Variants in SORBS2 observed in about 807,000 individuals in gnomAD.
SORBS2 encodes the protein sorbin and SH3 domain containing 2.
A neutral mutation model predicts 97.7 loss-of-function variants in SORBS2; 46 were observed. The ratio of observed to expected loss-of-function variants is 0.47; its 90% CI spans 0.37 to 0.60. The LOEUF is 0.60. Ranked by LOEUF, SORBS2 falls within the 20% of genes least tolerant of loss-of-function variation. The pLI is 0.00. For synonymous variants in SORBS2, 476 were observed against 473.4 expected (o/e 1.01, Z -0.07); for missense variants, 1,316 against 1,282.3 (o/e 1.03, Z -0.40).
At chr4:185,646,870 T>A in intron 3 of SORBS2, 88 bp from the exon 13 acceptor site, 3 of 766,232 alleles carry the variant, frequency 3.9e-6, no homozygotes, top group Non-Finnish European at 6.7e-6. Context: ...TCAACATTAC[T>A]TTTAGCATAG....
At chr4:185,721,407 C>T (rs183784465) in intron 2 of SORBS2, among the ~76,000 whole-genome samples, 3 of 152,108 alleles carry the variant, frequency 2.0e-5, no homozygotes, top group Admixed American at 6.5e-5. Context: ...CAGATGTGAA[C>T]GTTTGATCTC....
At chr4:185,656,832 A>C in exon 1 of SORBS2, 1 of 1,380,194 alleles carries the variant, frequency 7.2e-7, no homozygotes, top group Non-Finnish European at 9.3e-7. Context: ...AAACACTTTC[A>C]CTTATCATCC....
chr4:185,705,990 T>A (rs1384039356), intron 2 of SORBS2, among the ~76,000 whole-genome samples: 1 of 152,226 alleles, frequency 6.6e-6, no homozygotes, highest in Non-Finnish European at 1.5e-5. Flanking sequence ...CACTCATTCC[T>A]GAAAATCCCT....
intron 1 of SORBS2, among the ~76,000 whole-genome samples, chr4:185,835,555 A>T (rs1457971964): frequency 1.3e-5 from 2 of 152,164 alleles, no homozygotes; most frequent in East Asian, 3.8e-4. Flanking sequence ...GTAAGTAAAA[A>T]TTCCAGTGAC....
At chr4:185,827,231 TCATCAC>T (rs1561210989) in intron 1 of SORBS2, among the ~76,000 whole-genome samples, 10 of 67,422 alleles carry the variant, frequency 1.5e-4, no homozygotes, top group Non-Finnish European at 9.7e-5. Flanking sequence ...ACCATCATCA[TCATCAC>T]CATCACCACC....
At chr4:185,685,683 C>T (rs1365035450) in intron 2 of SORBS2, among the ~76,000 whole-genome samples, 2 of 152,136 alleles carry the variant, frequency 1.3e-5, no homozygotes, top group South Asian at 2.1e-4. Context: ...AGGCACACAC[C>T]GGCTAACGTT....
At chr4:185,780,075 G>A (rs2153633786) in intron 1 of SORBS2, among the ~76,000 whole-genome samples, 1 of 134,948 alleles carries the variant, frequency 7.4e-6, no homozygotes, top group South Asian at 2.5e-4. Context: ...GAGTGCAATA[G>A]CACAATCTCG....
chr4:185,798,671 CT>C (rs2099116960), intron 1 of SORBS2, among the ~76,000 whole-genome samples: 1 of 152,110 alleles, frequency 6.6e-6, no homozygotes, highest in South Asian at 2.1e-4. Flanking sequence ...GTCTCGAAAG[CT>C]AGTATATATG....
chr4:185,853,774 T>C (rs949029898), intron 1 of SORBS2, among the ~76,000 whole-genome samples: 10 of 152,160 alleles, frequency 6.6e-5, no homozygotes, highest in African/African-American at 2.2e-4. Flanking sequence ...TAAATGGAGC[T>C]GATTGTCTAA....
chr4:185,756,352 A>C (rs910492063), intron 2 of SORBS2, among the ~76,000 whole-genome samples: 6 of 151,724 alleles, frequency 4.0e-5, no homozygotes, highest in Non-Finnish European at 8.8e-5. Flanking sequence ...TTTTAATTAC[A>C]TTTTCCAAAC....
At chr4:185,640,102 TA>T (rs2097101932) in intron 4 of SORBS2, among the ~76,000 whole-genome samples, 1 of 152,192 alleles carries the variant, frequency 6.6e-6, no homozygotes, top group Non-Finnish European at 1.5e-5. Flanking sequence ...AATAAAAGAT[TA>T]TAGGAGTAAT....
At chr4:185,799,665 A>G (rs1406515350) in intron 1 of SORBS2, among the ~76,000 whole-genome samples, 2 of 152,168 alleles carry the variant, frequency 1.3e-5, no homozygotes, top group Non-Finnish European at 2.9e-5. Flanking sequence ...AATTTGGAAG[A>G]GAGTCTTTCT....
intron 2 of SORBS2, among the ~76,000 whole-genome samples, chr4:185,692,262 A>G (rs1367912921): frequency 6.6e-6 from 1 of 152,204 alleles, no homozygotes; most frequent in African/African-American, 2.4e-5. Flanking sequence ...ACCCCCCCGC[A>G]CAGCACAACA....
chr4:185,765,134 C>G (rs2098926845), intron 2 of SORBS2, among the ~76,000 whole-genome samples: 1 of 151,946 alleles, frequency 6.6e-6, no homozygotes, highest in South Asian at 2.1e-4. Context: ...TGGTGAAATG[C>G]CTTCAATAAA....
intron 1 of SORBS2, among the ~76,000 whole-genome samples, chr4:185,653,650 A>G (rs1337743545): frequency 6.6e-6 from 1 of 152,238 alleles, no homozygotes; most frequent in Non-Finnish European, 1.5e-5. Context: ...GAATATAACA[A>G]CTACTCAATA....
At chr4:185,916,086 T>C (rs1057099501) in intron 1 of SORBS2, among the ~76,000 whole-genome samples, 12 of 151,934 alleles carry the variant, frequency 7.9e-5, no homozygotes, top group African/African-American at 2.9e-4. Flanking sequence ...GTCAAGTGGG[T>C]CAGGAAGATA....
chr4:185,603,163 G>A (rs75141689), intron 12 of SORBS2, among the ~76,000 whole-genome samples: 10,510 of 152,044 alleles, frequency 0.069, 980 homozygotes, highest in African/African-American at 0.21. Flanking sequence ...ACGATGGTGC[G>A]TCCTCCGTCT....
chr4:185,948,443 C>G, intron 1 of SORBS2, among the ~76,000 whole-genome samples: 1 of 151,516 alleles, frequency 6.6e-6, no homozygotes, highest in Admixed American at 6.6e-5. Context: ...CTGGTTTCCA[C>G]ACTCCAGTAG....
chr4:185,920,443 T>A (rs2149918369), intron 1 of SORBS2, among the ~76,000 whole-genome samples: 1 of 152,310 alleles, frequency 6.6e-6, no homozygotes, highest in Non-Finnish European at 1.5e-5. Flanking sequence ...AGAAGTGTAC[T>A]TTTCCAGCCA....
Sources: allele counts gnomAD v4.1 joint callset (sites outside exome capture counted in the v4.1 genomes callset), GRCh38; gene constraint gnomAD v4.1.1; transcripts MANE v1.5; gene names NCBI Gene and HGNC (gene_info 2026-07-23, HGNC 2026-07-21).